DLGAP2: variants seen among roughly 807,000 people sequenced by gnomAD.
DLGAP2 encodes the protein disks large-associated protein 2.
DLGAP2 carries 26 observed loss-of-function variants against 100.3 expected under a neutral mutation model. That is an observed-to-expected ratio of 0.26 (90% CI 0.19 to 0.36). The LOEUF (loss-of-function observed/expected upper bound fraction) is 0.36. DLGAP2 is among the 10% of genes least tolerant of loss of function. The pLI, the probability that DLGAP2 is intolerant of heterozygous loss-of-function variation, is 1.00. For synonymous variants in DLGAP2, 886 were observed against 630.1 expected (o/e 1.41, Z -6.08); for missense variants, 1,858 against 1,453.2 (o/e 1.28, Z -4.53).
At chr8:946,078 C>CAGGA (rs1268805852) in intron 2 of DLGAP2, among the ~76,000 whole-genome samples, 2 of 104,078 alleles carry the variant, frequency 1.9e-5, no homozygotes, top group Non-Finnish European at 4.6e-5. Context: ...GCCTCCTGTG[C>CAGGA]TCAGCACCCC....
At chr8:1,288,464 G>C (rs1424471460) in intron 3 of DLGAP2, among the ~76,000 whole-genome samples, 2 of 143,268 alleles carry the variant, frequency 1.4e-5, no homozygotes, top group African/African-American at 5.3e-5. Flanking sequence ...TCTGTTAGGA[G>C]GGGAACTTGT....
chr8:1,543,137 T>C lies in DLGAP2; in HGVS notation c.173-5489T>C, dbSNP rs1362094817. 2.0e-5 allele frequency among the ~76,000 whole-genome samples: 3 copies of C among 152,252 alleles called. No individual in the cohort carries two copies. In the East Asian group the frequency reaches 5.8e-4, roughly 29 times the overall value. On this transcript the variant is annotated intron_variant, in intron 4 of 14. Coordinates refer to ENST00000637795, the MANE Select transcript of DLGAP2 (RefSeq NM_001346810.2). ...CAAATACGTGATTTACAAAAATGTTTCCCATTCTGTGGATGGCCTTTGCAT... is the reference window on the plus strand; with the variant it reads ...CAAATACGTGATTTACAAAAATGTTCCCCATTCTGTGGATGGCCTTTGCAT...
rs534660067 is a variant in DLGAP2 at position 1,201,866 on chromosome 8, C to T, written c.74-56985C>T. ...ATGTGTGTATGTGTACGGTATCTAT[C>T]TGTGGTGTGTGTGTAAGCATGTGGT... On this transcript the variant is annotated intron_variant, in intron 2 of 14. Coordinates refer to ENST00000637795, the MANE Select transcript of DLGAP2 (RefSeq NM_001346810.2). Among the ~76,000 whole-genome samples, 7 of 152,214 alleles carry T rather than the reference C, an allele frequency of 4.6e-5. No homozygotes were observed. The East Asian group carries it at 1.2e-3, about 25-fold the overall frequency.
intron 3 of DLGAP2, among the ~76,000 whole-genome samples, chr8:1,261,730 C>T (rs996912884): frequency 2.6e-5 from 4 of 152,198 alleles, no homozygotes; most frequent in Non-Finnish European, 4.4e-5. Context: ...CTTTAGTTTT[C>T]CCAAAGCACT....
At chr8:1,162,345 T>C (rs1796909095) in intron 2 of DLGAP2, among the ~76,000 whole-genome samples, 1 of 152,192 alleles carries the variant, frequency 6.6e-6, no homozygotes, top group African/African-American at 2.4e-5. Flanking sequence ...AATTGAGCAG[T>C]GGCTGAAACA....
intron 1 of DLGAP2, among the ~76,000 whole-genome samples, chr8:746,977 A>G (rs185902175): frequency 2.6e-3 from 389 of 152,262 alleles, no homozygotes; most frequent in African/African-American, 9.2e-3. Flanking sequence ...GTTCTCGGGA[A>G]GACCTCCCCT....
At chr8:1,619,382 C>G (rs1797257000) in intron 6 of DLGAP2, among the ~76,000 whole-genome samples, 1 of 152,202 alleles carries the variant, frequency 6.6e-6, no homozygotes, top group Non-Finnish European at 1.5e-5. Context: ...CTCACTGAGT[C>G]CTACAAGTGA....
chr8:1,563,659 A>C (rs565989039), intron 5 of DLGAP2, among the ~76,000 whole-genome samples: 2 of 152,168 alleles, frequency 1.3e-5, no homozygotes, highest in East Asian at 1.9e-4. Flanking sequence ...AGGATATGTG[A>C]GTGACAGAAA....
chr8:756,389 C>G (rs1000622304), intron 1 of DLGAP2, among the ~76,000 whole-genome samples: 63 of 152,302 alleles, frequency 4.1e-4, no homozygotes, highest in African/African-American at 1.4e-3. Context: ...AACCATGGAG[C>G]TGACATTGAG....
intron 3 of DLGAP2, among the ~76,000 whole-genome samples, chr8:1,327,843 C>T (rs1396286240): frequency 6.6e-6 from 1 of 151,986 alleles, no homozygotes; most frequent in Non-Finnish European, 1.5e-5. Flanking sequence ...GACTCCGTCT[C>T]AAAAAAATAA....
intron 4 of DLGAP2, among the ~76,000 whole-genome samples, chr8:1,537,971 A>G (rs548316365): frequency 6.6e-6 from 1 of 152,298 alleles, no homozygotes; most frequent in Non-Finnish European, 1.5e-5. Flanking sequence ...GGTGAATCAG[A>G]GGAAGATACT....
At chr8:1,208,615 A>G (rs1798043471) in intron 2 of DLGAP2, among the ~76,000 whole-genome samples, 1 of 99,792 alleles carries the variant, frequency 1.0e-5, no homozygotes, top group Admixed American at 9.1e-5. Context: ...ATAGTACTAG[A>G]AGTCCTAGCC....
chr8:1,130,801 C>G (rs1029098602), intron 2 of DLGAP2, among the ~76,000 whole-genome samples: 5 of 152,298 alleles, frequency 3.3e-5, no homozygotes, highest in South Asian at 2.1e-4. Flanking sequence ...ACGCCCCCAG[C>G]TCTGCAGCGG....
intron 1 of DLGAP2, among the ~76,000 whole-genome samples, chr8:878,232 G>A (rs1274589258): frequency 6.6e-6 from 1 of 152,000 alleles, no homozygotes; most frequent in Non-Finnish European, 1.5e-5. Flanking sequence ...AGACAGAGAT[G>A]GAATAATTAA....
At chr8:1,449,563 C>T (rs2130102129) in intron 3 of DLGAP2, among the ~76,000 whole-genome samples, 1 of 152,310 alleles carries the variant, frequency 6.6e-6, no homozygotes, top group Non-Finnish European at 1.5e-5. Flanking sequence ...GTCCTGTCTG[C>T]ACCCAGACCC....
At chr8:1,583,945 T>C (rs1004668701) in intron 6 of DLGAP2, among the ~76,000 whole-genome samples, 6 of 152,056 alleles carry the variant, frequency 3.9e-5, no homozygotes, top group African/African-American at 1.4e-4. Flanking sequence ...TTGCTGCCGG[T>C]CATCCTTCCA....
At chr8:1,266,759 G>A (rs950924355) in intron 3 of DLGAP2, among the ~76,000 whole-genome samples, 1 of 152,058 alleles carries the variant, frequency 6.6e-6, no homozygotes, top group Admixed American at 6.6e-5. Flanking sequence ...GTGTGTATAT[G>A]TGTTTGTGTG....
At chr8:1,201,971 T>C (rs1231420892) in intron 2 of DLGAP2, among the ~76,000 whole-genome samples, 1 of 145,788 alleles carries the variant, frequency 6.9e-6, no homozygotes, top group Non-Finnish European at 1.5e-5. Flanking sequence ...GTGTGTACAG[T>C]ATCTGTGTAT....
At chr8:1,311,255 TATA>T (rs1164993945) in intron 3 of DLGAP2, among the ~76,000 whole-genome samples, 2 of 152,182 alleles carry the variant, frequency 1.3e-5, no homozygotes, top group East Asian at 3.9e-4. Context: ...TCAACAGATT[TATA>T]ATAAGAGATC....
Sources: allele counts gnomAD v4.1 joint callset (sites outside exome capture counted in the v4.1 genomes callset), GRCh38; gene constraint gnomAD v4.1.1; transcripts MANE v1.5; gene names NCBI Gene and HGNC (gene_info 2026-07-23, HGNC 2026-07-21).